HMCN2: variants seen among roughly 807,000 people sequenced by gnomAD.
HMCN2 encodes hemicentin 2.
In HMCN2, 325 loss-of-function variants were observed where a neutral mutation model predicts 377.5. That is an observed-to-expected ratio of 0.86 (90% CI 0.79 to 0.94). The LOEUF is 0.94. Ranked by LOEUF, HMCN2 falls within the 40% of genes least tolerant of loss-of-function variation. The pLI, the probability that HMCN2 is intolerant of heterozygous loss-of-function variation, is 0.00. For synonymous variants in HMCN2, 2,007 were observed against 2,046.8 expected (o/e 0.98, Z 0.53); for missense variants, 4,543 against 4,725.3 (o/e 0.96, Z 1.13).
In HMCN2 at chr9:130,376,628, G is replaced by A. The variant is rs933244964; in HGVS notation, c.8031G>A (p.Pro2677=). The A allele has an allele frequency of 1.5e-5, 15 of 985,680 alleles. No individual in the cohort carries two copies. Among genetic ancestry groups the A allele is most frequent in the African/African-American group, 1.0e-4 (6 of 57,196 alleles). 61.1% of individuals were successfully genotyped at this position (985,680 alleles called of 1,614,324 possible). ...TLECESWAVP[P]PTIRWYKDGQ... ...AGTGTGAGAGCTGGGCTGTGCCCCC[G>A]CCCACCATCCGCTGGTACAAGGATG... The change falls in exon 52 of 98, where the codon CCG becomes CCA. Residue 2677 remains proline, a synonymous_variant. Coordinates refer to ENST00000683500, the MANE Select transcript of HMCN2 (RefSeq NM_001291815.2).
intron 59 of HMCN2, 24 bp from the exon 60 acceptor site, chr9:130,385,536 C>T: frequency 7.7e-7 from 1 of 1,292,786 alleles, no homozygotes; most frequent in Non-Finnish European, 1.0e-6. Context: ...TGCAGCACCT[C>T]ACTCTGCTAT....
intron 94 of HMCN2, 143 bp downstream of exon 94, chr9:130,429,828 G>A (rs1488865267): frequency 4.3e-6 from 6 of 1,395,856 alleles, no homozygotes; most frequent in Non-Finnish European, 5.6e-6. Context: ...GGTGTCTAAG[G>A]CGCCAGTGCT....
chr9:130,329,795 C>T, intron 22 of HMCN2, among the ~76,000 whole-genome samples: 1 of 151,866 alleles, frequency 6.6e-6, no homozygotes, highest in Non-Finnish European at 1.5e-5. Flanking sequence ...TCTGGGTCCT[C>T]TGGTTCCCTC....
At chr9:130,403,697 C>T in intron 79 of HMCN2, 44 bp from the exon 80 acceptor site, 1 of 1,283,280 alleles carries the variant, frequency 7.8e-7, no homozygotes, top group Non-Finnish European at 1.0e-6. Flanking sequence ...CGGGGGTCCC[C>T]AGTCCCAGTT....
At chr9:130,339,258 C>T (rs1315488746) in intron 23 of HMCN2, among the ~76,000 whole-genome samples, 1 of 152,230 alleles carries the variant, frequency 6.6e-6, no homozygotes, top group Non-Finnish European at 1.5e-5. Context: ...GCATGTTTAT[C>T]TATGTGCTGC....
rs1554934964 is a variant in HMCN2, at chr9:130,302,852, T to G, written c.1277-5T>G. On this transcript the variant is annotated splice_polypyrimidine_tract_variant and splice_region_variant and intron_variant, in intron 8 of 97. Coordinates refer to ENST00000683500, the MANE Select transcript of HMCN2 (RefSeq NM_001291815.2). ...GACATTCTGAGTCCTGGTCCCCGCCTACAGGCGCTCCCCTCGTCAGCATGG... is the reference window on the plus strand; with the variant it reads ...GACATTCTGAGTCCTGGTCCCCGCCGACAGGCGCTCCCCTCGTCAGCATGG... 8.7e-6 allele frequency: 4 copies of G among 462,034 alleles called. No homozygotes were observed. Among genetic ancestry groups the G allele is most frequent in the Non-Finnish European group, 1.8e-5 (4 of 221,934 alleles). 28.6% of individuals were successfully genotyped at this position (462,034 alleles called of 1,614,324 possible).
Position 130,384,465 on chromosome 9 carries a change from A to T in HMCN2, c.8923A>T (p.Asn2975Tyr). ...CCCTTGCGACGTCCACGCTCACCCA[A>T]ACCCCGAGGTCACGTGGTACAAGGA... ...SLPCDVHAHP[N>Y]PEVTWYKDSQ... Residue 2975 changes from asparagine to tyrosine, a missense_variant, in exon 58 of 98, where the codon AAC becomes TAC. By Grantham distance (143) the Asn-to-Tyr change is moderately radical. Transcript: ENST00000683500. 1 of 1,304,202 alleles carries T rather than the reference A, an allele frequency of 7.7e-7. No individual in the cohort carries two copies. The allele number at this position is 1,304,202 out of a possible 1,614,324, so 80.8% of individuals were successfully genotyped here.
chr9:130,430,448 C>T lies in HMCN2; in HGVS notation c.14491C>T (p.Arg4831Ter), dbSNP rs761141062. The T allele has an allele frequency of 1.7e-5, 27 of 1,550,480 alleles. No homozygotes were observed. Among genetic ancestry groups the T allele is most frequent in the African/African-American group, 4.1e-5 (3 of 73,054 alleles). The change falls in exon 95 of 98, where the codon CGA becomes TGA. Residue 4831 changes from arginine to a stop codon, truncating the protein, a stop_gained. Coordinates refer to ENST00000683500, the MANE Select transcript of HMCN2 (RefSeq NM_001291815.2). LOFTEE classifies it high-confidence loss of function. ...NGQNVTTVSHRGPLLPWLRPW... is the reference protein window; with the variant it reads ...NGQNVTTVSH ...ACAAAATGTGACCACCGTCAGCCAC[C>T]GAGGCCCTCTATTGCCCTGGCTGCG... is the stretch of plus-strand genomic sequence containing the variant.
intron 61 of HMCN2, among the ~76,000 whole-genome samples, chr9:130,388,188 GCCT>G (rs1842117984): frequency 2.0e-5 from 3 of 152,290 alleles, no homozygotes; most frequent in East Asian, 3.9e-4. Context: ...GGGTGAGTGA[GCCT>G]CCCATTTACC....
chr9:130,406,610 C>T (rs1357855699), intron 82 of HMCN2: 1 of 182,560 alleles, frequency 5.5e-6, no homozygotes. Context: ...TTGCTAAGTC[C>T]CCTCCACTGC....
chr9:130,290,235 A>G (rs1835680867), intron 4 of HMCN2, among the ~76,000 whole-genome samples: 1 of 152,152 alleles, frequency 6.6e-6, no homozygotes, highest in African/African-American at 2.4e-5. Flanking sequence ...GCCTGGCCCT[A>G]CAGGGGGGTC....
At position 130,402,786 on chromosome 9, in the gene HMCN2, C is replaced by T; in HGVS notation, c.11771-3C>T. 7.8e-7 allele frequency: 1 copy of T among 1,289,516 alleles called. No homozygotes were observed. Among genetic ancestry groups the T allele is most frequent in the Non-Finnish European group, 1.0e-6 (1 of 988,628 alleles). 79.9% of individuals were successfully genotyped at this position (1,289,516 alleles called of 1,614,324 possible). A position where few individuals can be genotyped will look rare whatever the true frequency, so the allele number is the denominator to read the frequency against. ...ATCCCCTCACCCTGATTCCCACCAA[C>T]AGGCGCCCTGGAGATCGGGCAGGCC... On this transcript the variant is annotated splice_polypyrimidine_tract_variant and splice_region_variant and intron_variant, in intron 77 of 97. Transcript: ENST00000683500.
chr9:130,274,775 A>C (rs1209414602), intron 1 of HMCN2, among the ~76,000 whole-genome samples: 3 of 152,142 alleles, frequency 2.0e-5, no homozygotes, highest in African/African-American at 7.2e-5. Flanking sequence ...TTCCCCCCAC[A>C]TAATATGGCA....
At chr9:130,302,481 G>A (rs146645672) in intron 8 of HMCN2, among the ~76,000 whole-genome samples, 1 of 152,332 alleles carries the variant, frequency 6.6e-6, no homozygotes, top group African/African-American at 2.4e-5. Context: ...CATTTCATCA[G>A]ATTTCATACA....
At chr9:130,378,581 TGGGGAGGC>T (rs1222451091) in intron 53 of HMCN2, among the ~76,000 whole-genome samples, 17 of 14,558 alleles carry the variant, frequency 1.2e-3, no homozygotes, top group African/African-American at 2.1e-3. Context: ...GAGGCTAGAA[TGGGGAGGC>T]GGGGAGGCGG....
intron 95 of HMCN2, chr9:130,430,834 G>C: frequency 1.8e-6 from 1 of 551,964 alleles, no homozygotes; most frequent in Non-Finnish European, 3.2e-6. Context: ...TAAACCATTT[G>C]ACTTCAGGAC....
Position 130,285,254 on chromosome 9 carries a change from C to G in HMCN2, c.427C>G (p.Arg143Gly), listed in dbSNP as rs1265760164. 1 of 471,010 alleles carries G rather than the reference C, an allele frequency of 2.1e-6. No individual in the cohort carries two copies. 29.2% of individuals were successfully genotyped at this position (471,010 alleles called of 1,614,324 possible). A position where few individuals can be genotyped will look rare whatever the true frequency, so the allele number is the denominator to read the frequency against. The change falls in exon 3 of 98, where the codon CGC (arginine) becomes GGC (glycine). Residue 143 changes from arginine (R) to glycine (G), a missense_variant. This residue lies in a region of HMCN2 where 547 missense variants were observed against 189.9 expected (regional missense o/e 2.88). Coordinates refer to ENST00000683500, the MANE Select transcript of HMCN2 (RefSeq NM_001291815.2). ...GSFIYVFSDARAKDYHKKEEL... is the reference protein window; with the variant it reads ...GSFIYVFSDAGAKDYHKKEEL... The stretch of plus-strand genomic sequence containing the variant: ...CTTCATCTACGTCTTTTCGGATGCC[C>G]GCGCCAAAGACTATCACAAGAAGGA...
At chr9:130,294,826 C>T (rs34014907) in intron 4 of HMCN2, 29 bp from the exon 5 acceptor site, 103,800 of 392,950 alleles carry the variant, frequency 0.26, 15,314 homozygotes, top group East Asian at 0.48. Context: ...GGGCACCTGC[C>T]GGCATCAGCT....
rs781897585 is a variant in HMCN2 at position 130,307,543 on chromosome 9, C to T, written c.2177C>T (p.Pro726Leu). Reference protein sequence around the residue: ...VLVCEASGVPPPRVIWYRGGL... With the variant: ...VLVCEASGVPLPRVIWYRGGL... ...GTGTGTGAGGCATCTGGGGTTCCCC[C>T]GCCCCGAGTCATCTGGTATCGAGGT... The change falls in exon 14 of 98, where the codon CCG (proline) becomes CTG (leucine). Residue 726 changes from proline to leucine, a missense_variant. By Grantham distance (98) the Pro-to-Leu change is moderately conservative. Transcript: ENST00000683500. The T allele has an allele frequency of 2.8e-5, 13 of 471,072 alleles. No homozygotes were observed. In the Middle Eastern group the frequency reaches 1.3e-3, roughly 47 times the overall value. 29.2% of individuals were successfully genotyped at this position (471,072 alleles called of 1,614,324 possible).
Sources: gnomAD v4.1 joint callset for allele counts (sites outside exome capture counted in the v4.1 genomes callset) on GRCh38, gnomAD v4.1.1 for gene constraint, gnomAD v4.1.1 regional missense constraint, MANE v1.5 for transcripts, NCBI Gene and HGNC (gene_info 2026-07-23, HGNC 2026-07-21) for gene names.